GRK1: variants seen among roughly 807,000 people sequenced by gnomAD.
The protein encoded by GRK1 is G protein-coupled receptor kinase 1.
Under a neutral mutation model 41.7 loss-of-function variants are expected in GRK1, and 28 were observed. That is an observed-to-expected ratio of 0.67 (90% CI 0.50 to 0.92). GRK1 has a LOEUF of 0.92. Ranked by LOEUF, GRK1 falls within the 40% of genes least tolerant of loss-of-function variation. The pLI is 0.00. For synonymous variants in GRK1, 327 were observed against 286.7 expected, an observed-to-expected ratio of 1.14 and a Z score of -1.42; for missense variants, 703 against 671.2, an observed-to-expected ratio of 1.05 and a Z score of -0.52.
chr13:113,659,332 A>G, the GRK1 span, among the ~76,000 whole-genome samples: 1 of 152,210 alleles, frequency 6.6e-6, no homozygotes, highest in Non-Finnish European at 1.5e-5. Context: ...CTTCTGACAA[A>G]TATGATTCGA....
rs1010489599 is a variant in GRK1 at position 113,669,898 on chromosome 13, C to T, written c.827+84C>T. 6 of 1,541,720 alleles carry T rather than the reference C, an allele frequency of 3.9e-6. No homozygotes were observed. In the African/African-American group the frequency reaches 8.2e-5, roughly 21 times the overall value. On this transcript the variant is annotated intron_variant, in intron 2 of 6. Coordinates refer to ENST00000335678, the MANE Select transcript of GRK1 (RefSeq NM_002929.3). ...CAGGGCCCGGGCTCCTTTCCACAGG[C>T]AGAGCCATGGTGGCCCCAGGCCTGC...
chr13:113,729,519 T>G (rs2049918383), intron 4 of GRK1, among the ~76,000 whole-genome samples: 1 of 152,170 alleles, frequency 6.6e-6, no homozygotes, highest in Non-Finnish European at 1.5e-5. Context: ...GGCAGCGTCA[T>G]GGCAGCTGGA....
chr13:113,651,689 T>C, the GRK1 span: 1 of 1,613,520 alleles, frequency 6.2e-7, no homozygotes, highest in Admixed American at 1.7e-5. Context: ...CGCAGTCCAC[T>C]CTGGGGGCCG....
upstream of GRK1, among the ~76,000 whole-genome samples, chr13:113,663,987 C>T (rs1181498561): frequency 6.6e-6 from 1 of 152,220 alleles, no homozygotes; most frequent in Non-Finnish European, 1.5e-5. Context: ...ATGTTTATAG[C>T]AGCTTTATAG....
At chr13:113,723,250 GT>G in intron 4 of GRK1, 93 bp downstream of exon 4, 1 of 614,844 alleles carries the variant, frequency 1.6e-6, no homozygotes, top group Non-Finnish European at 3.1e-6. Flanking sequence ...ATACATGTGA[GT>G]TTGTGTATAT....
In GRK1 at chr13:113,735,549, C is replaced by G; in HGVS notation, c.*186C>G. 1 of 579,550 alleles carries G rather than the reference C, an allele frequency of 1.7e-6. No homozygotes were observed. Among genetic ancestry groups the G allele is most frequent in the Non-Finnish European group, 2.8e-6 (1 of 351,906 alleles). The allele number at this position is 579,550 out of a possible 1,614,324, so 35.9% of individuals were successfully genotyped here. A position where few individuals can be genotyped will look rare whatever the true frequency, so the allele number is the denominator to read the frequency against. On this transcript the variant is annotated 3_prime_UTR_variant, in exon 7 of 7. Transcript: ENST00000335678. ...GCCCACATCGGCCTGAGCCGCCAGACGCACATGCTGGTGCCGTGAGCCCCC... is the reference window on the plus strand; with the variant it reads ...GCCCACATCGGCCTGAGCCGCCAGAGGCACATGCTGGTGCCGTGAGCCCCC...
At chr13:113,651,791 C>G in the GRK1 span, 2 of 1,573,556 alleles carry the variant, frequency 1.3e-6, no homozygotes, top group Non-Finnish European at 1.7e-6. Flanking sequence ...GTGCACGGCA[C>G]CCACCCATGG....
Position 113,735,520 on chromosome 13 carries a change from G to A in GRK1, c.*157G>A. 1.2e-6 allele frequency: 1 copy of A among 801,454 alleles called. No homozygotes were observed. The highest frequency in any genetic ancestry group is 1.8e-6 in the Non-Finnish European group (1 of 548,214). The allele number at this position is 801,454 out of a possible 1,614,324, so 49.6% of individuals were successfully genotyped here. ...CCATCTCCTTGCGGCCCAAGGAGGA[G>A]AAAGCCCACATCGGCCTGAGCCGCC... On this transcript the variant is annotated 3_prime_UTR_variant, in exon 7 of 7. Transcript: ENST00000335678.
intron 6 of GRK1, 155 bp from the exon 7 acceptor site, chr13:113,734,912 TG>T (rs1324951227): frequency 1.4e-6 from 1 of 696,912 alleles, no homozygotes; most frequent in Non-Finnish European, 2.2e-6. Flanking sequence ...CTGGGAACAC[TG>T]GGCTTTCTCT....
the GRK1 span, among the ~76,000 whole-genome samples, chr13:113,657,038 C>T: frequency 6.6e-6 from 1 of 152,264 alleles, no homozygotes; most frequent in African/African-American, 2.4e-5. Context: ...CTCCAGCTGG[C>T]TCTGGTGCCC....
At chr13:113,732,460 G>C (rs1328793589) in intron 5 of GRK1, among the ~76,000 whole-genome samples, 2 of 152,196 alleles carry the variant, frequency 1.3e-5, no homozygotes, top group African/African-American at 4.8e-5. Context: ...CCTTCACACT[G>C]TACCCACTGG....
chr13:113,652,613 C>G, the GRK1 span: 1 of 549,200 alleles, frequency 1.8e-6, no homozygotes, highest in Admixed American at 2.5e-5. Context: ...CCTGGCCTTG[C>G]AGAGACCCCT....
intron 4 of GRK1, among the ~76,000 whole-genome samples, chr13:113,723,591 C>G (rs1594573717): frequency 6.6e-6 from 1 of 152,148 alleles, no homozygotes; most frequent in African/African-American, 2.4e-5. Context: ...TGATGAGTCT[C>G]TCCAGAGGAG....
upstream of GRK1, among the ~76,000 whole-genome samples, chr13:113,662,335 C>T (rs750939821): frequency 1.6e-4 from 25 of 152,140 alleles, no homozygotes; most frequent in Non-Finnish European, 3.7e-4. Flanking sequence ...AAAGCATTGA[C>T]AAAAAACCCA....
At chr13:113,732,298 G>A (rs2049942988) in intron 5 of GRK1, among the ~76,000 whole-genome samples, 1 of 152,180 alleles carries the variant, frequency 6.6e-6, no homozygotes, top group Non-Finnish European at 1.5e-5. Context: ...TGTCCTGCCA[G>A]GACAGGTTTC....
In GRK1 at chr13:113,667,945, G is replaced by A. The variant is rs1481964225; in HGVS notation, c.559G>A (p.Glu187Lys). The A allele has an allele frequency of 3.1e-6, 5 of 1,610,134 alleles. No homozygotes were observed. The highest frequency in any genetic ancestry group is 4.2e-6 in the Non-Finnish European group (5 of 1,178,404). Residue 187 changes from glutamate (E) to lysine (K), a missense_variant, in exon 1 of 7, where the codon GAG (glutamate) becomes AAG (lysine). Coordinates refer to ENST00000335678, the MANE Select transcript of GRK1 (RefSeq NM_002929.3). This position sits in a 1 kb window ranked among gnomAD's most constrained non-coding sequence, Gnocchi z 7.5. ...WKWLEAQPMGEDWFLDFRVLG... is the reference protein window; with the variant it reads ...WKWLEAQPMGKDWFLDFRVLG... The stretch of plus-strand genomic sequence containing the variant: ...GTGGCTGGAAGCCCAGCCCATGGGG[G>A]AGGACTGGTTCCTGGACTTCAGGGT...
chr13:113,659,473 G>A, the GRK1 span, among the ~76,000 whole-genome samples: 33 of 152,122 alleles, frequency 2.2e-4, no homozygotes, highest in African/African-American at 7.5e-4. Context: ...TAGGCATTAC[G>A]CTGCTTTAAT....
rs375215558 is a variant in GRK1, at chr13:113,667,344, G to A, written c.-43G>A. 21 of 1,487,014 alleles carry A rather than the reference G, an allele frequency of 1.4e-5. No individual in the cohort carries two copies. The highest frequency in any genetic ancestry group is 7.0e-5 in the African/African-American group (5 of 71,334). The allele number at this position is 1,487,014 out of a possible 1,614,324, so 92.1% of individuals were successfully genotyped here. ...CTGTGAACGCTCCCGGCTTGGCCTC[G>A]GCTGATGGGCCCTCACGCCTGAAGC... On this transcript the variant is annotated 5_prime_UTR_variant, in exon 1 of 7. Coordinates refer to ENST00000335678, the MANE Select transcript of GRK1 (RefSeq NM_002929.3). The surrounding 1 kb of genome is among the most constrained non-coding windows in gnomAD (Gnocchi z 7.5).
At chr13:113,735,028 C>T (rs1251448787) in intron 6 of GRK1, 40 bp from the exon 7 acceptor site, 16 of 1,452,440 alleles carry the variant, frequency 1.1e-5, no homozygotes, top group Non-Finnish European at 1.4e-5. Context: ...TTCCTTCCCA[C>T]CACGAGGAGC....
Sources: gnomAD v4.1 joint callset for allele counts (sites outside exome capture counted in the v4.1 genomes callset) on GRCh38, gnomAD v4.1.1 for gene constraint, Gnocchi (gnomAD v3.1) non-coding constraint, MANE v1.5 for transcripts, NCBI Gene and HGNC (gene_info 2026-07-23, HGNC 2026-07-21) for gene names.